The following KCNIP4 variants were observed in gnomAD, a reference collection of about 807,000 sequenced individuals.
KCNIP4 encodes the protein potassium voltage-gated channel interacting protein 4.
A neutral mutation model predicts 34.0 loss-of-function variants in KCNIP4; 12 were observed. The ratio of observed to expected loss-of-function variants is 0.35; its 90% CI spans 0.23 to 0.57. The LOEUF is 0.57. Among genes scored for constraint, KCNIP4 ranks in the 20% least tolerant of loss-of-function variants. KCNIP4 has a pLI of 0.83. For missense variants in KCNIP4, 238 were observed against 311.7 expected, an observed-to-expected ratio of 0.76 and a Z score of 1.78; for synonymous variants, 124 against 102.2, an observed-to-expected ratio of 1.21 and a Z score of -1.29.
intron 1 of KCNIP4, among the ~76,000 whole-genome samples, chr4:21,918,828 G>A (rs1028544042): frequency 6.6e-6 from 1 of 152,142 alleles, no homozygotes; most frequent in Non-Finnish European, 1.5e-5. Context: ...TATTAAGTAT[G>A]TGAGGAAAAC....
At chr4:21,158,099 T>G (rs1329918564) in intron 1 of KCNIP4, among the ~76,000 whole-genome samples, 4 of 152,082 alleles carry the variant, frequency 2.6e-5, no homozygotes, top group Non-Finnish European at 5.9e-5. Context: ...CAACCAAATT[T>G]TACTCAGGAA....
At chr4:21,432,310 A>G (rs13135850) in intron 1 of KCNIP4, among the ~76,000 whole-genome samples, 42,981 of 150,666 alleles carry the variant, frequency 0.29, 7,046 homozygotes, top group Non-Finnish European at 0.38. Flanking sequence ...TATTTCTCCC[A>G]AGAGCCCGAT....
intron 3 of KCNIP4, among the ~76,000 whole-genome samples, chr4:20,826,555 C>T (rs1031428207): frequency 2.6e-5 from 4 of 151,912 alleles, no homozygotes; most frequent in African/African-American, 9.7e-5. Context: ...CTGTACTGCA[C>T]TCCAGCCTGG....
In KCNIP4 at chr4:20,754,251, CTG is replaced by C. The variant is rs1420384219; in HGVS notation, c.359-4521_359-4520del. ...CACCAAACAAGTTGGGTTTGATAAACTGTTTCACAAAGCAATAGAGAAAGCTA... is the reference window on the plus strand; with the variant it reads ...CACCAAACAAGTTGGGTTTGATAAACTTTCACAAAGCAATAGAGAAAGCTA... On this transcript the variant is annotated intron_variant, in intron 4 of 8. Coordinates refer to ENST00000382152, the MANE Select transcript of KCNIP4 (RefSeq NM_025221.6). 4.6e-5 allele frequency among the ~76,000 whole-genome samples: 7 copies of C among 152,272 alleles called. No individual in the cohort carries two copies. The East Asian group carries it at 1.2e-3, about 25-fold the overall frequency.
chr4:20,838,062 C>A (rs2149467301), intron 3 of KCNIP4, among the ~76,000 whole-genome samples: 1 of 152,094 alleles, frequency 6.6e-6, no homozygotes, highest in South Asian at 2.1e-4. Flanking sequence ...AAAGTTGATC[C>A]ACATAGCAGT....
chr4:21,288,404 T>C (rs2109194807), intron 1 of KCNIP4, among the ~76,000 whole-genome samples: 1 of 152,188 alleles, frequency 6.6e-6, no homozygotes, highest in Middle Eastern at 3.4e-3. Flanking sequence ...CTATCATTAT[T>C]ACAGAACAAA....
At chr4:21,470,455 C>T (rs1257478143) in intron 1 of KCNIP4, among the ~76,000 whole-genome samples, 3 of 152,140 alleles carry the variant, frequency 2.0e-5, no homozygotes, top group Non-Finnish European at 4.4e-5. Flanking sequence ...ATGCTACTCT[C>T]TGTTCTACAG....
At chr4:21,070,285 C>T (rs1744772540) in intron 1 of KCNIP4, among the ~76,000 whole-genome samples, 1 of 152,128 alleles carries the variant, frequency 6.6e-6, no homozygotes, top group Admixed American at 6.6e-5. Flanking sequence ...AAATAAACTG[C>T]TGTGAACAAT....
chr4:21,892,064 G>A (rs139788677), intron 1 of KCNIP4, among the ~76,000 whole-genome samples: 1,867 of 152,140 alleles, frequency 0.012, 45 homozygotes, highest in African/African-American at 0.043. Flanking sequence ...ATAGAAATAC[G>A]TACATGCTTA....
intron 1 of KCNIP4, among the ~76,000 whole-genome samples, chr4:21,342,659 G>GA (rs1194176426): frequency 5.9e-5 from 9 of 151,724 alleles, no homozygotes; most frequent in African/African-American, 1.7e-4. Flanking sequence ...ATCATTCAAG[G>GA]AAAAAATGTA....
chr4:20,949,914 C>T (rs900159968), intron 1 of KCNIP4, among the ~76,000 whole-genome samples: 3 of 148,532 alleles, frequency 2.0e-5, no homozygotes, highest in South Asian at 2.2e-4. Context: ...TGCTAGATGA[C>T]GAGTTAGTGG....
intron 1 of KCNIP4, among the ~76,000 whole-genome samples, chr4:21,634,552 C>A (rs948311779): frequency 6.6e-6 from 1 of 151,846 alleles, no homozygotes. Flanking sequence ...CCACAGTGAA[C>A]ATGATAAAGA....
At chr4:21,468,851 T>C (rs1730216169) in intron 1 of KCNIP4, among the ~76,000 whole-genome samples, 1 of 152,170 alleles carries the variant, frequency 6.6e-6, no homozygotes, top group African/African-American at 2.4e-5. Context: ...CAAAACAGCT[T>C]TCTTATTCAA....
intron 4 of KCNIP4, among the ~76,000 whole-genome samples, chr4:20,751,548 A>T (rs1753640448): frequency 6.6e-6 from 1 of 150,646 alleles, no homozygotes; most frequent in Non-Finnish European, 1.5e-5. Context: ...GAAAAAAAAA[A>T]GAGATTTTGC....
At chr4:20,740,563 T>C (rs2149300748) in intron 5 of KCNIP4, among the ~76,000 whole-genome samples, 1 of 152,232 alleles carries the variant, frequency 6.6e-6, no homozygotes, top group East Asian at 1.9e-4. Flanking sequence ...TTACAAGAGC[T>C]TCTGAAGGAA....
intron 1 of KCNIP4, among the ~76,000 whole-genome samples, chr4:21,181,935 CCAAA>C (rs1352906757): frequency 6.6e-6 from 1 of 152,096 alleles, no homozygotes; most frequent in African/African-American, 2.4e-5. Flanking sequence ...TACTAAAATG[CCAAA>C]CAGTCTCCAG....
chr4:21,696,683 T>A (rs1264487802), intron 1 of KCNIP4, among the ~76,000 whole-genome samples: 2 of 152,306 alleles, frequency 1.3e-5, no homozygotes, highest in Non-Finnish European at 2.9e-5. Context: ...AGCCTCATAA[T>A]TTTGGAACAT....
At chr4:20,932,638 A>G (rs1183243265) in intron 1 of KCNIP4, among the ~76,000 whole-genome samples, 4 of 152,154 alleles carry the variant, frequency 2.6e-5, no homozygotes, top group Non-Finnish European at 4.4e-5. Context: ...CCATTTTACT[A>G]TCTGTAGTTT....
chr4:21,754,227 TCTC>T (rs1385822164), intron 1 of KCNIP4, among the ~76,000 whole-genome samples: 1 of 152,140 alleles, frequency 6.6e-6, no homozygotes, highest in Non-Finnish European at 1.5e-5. Flanking sequence ...AATGGAAAGT[TCTC>T]CTTCTAAAAA....
Sources: allele counts gnomAD v4.1 joint callset (sites outside exome capture counted in the v4.1 genomes callset), GRCh38; gene constraint gnomAD v4.1.1; transcripts MANE v1.5; gene names NCBI Gene and HGNC (gene_info 2026-07-23, HGNC 2026-07-21).